ALPL: variants seen among roughly 807,000 people sequenced by gnomAD.
ALPL encodes alkaline phosphatase, biomineralization associated.
ALPL carries 42 observed loss-of-function variants against 51.3 expected under a neutral mutation model. That is an observed-to-expected ratio of 0.82 (90% CI 0.64 to 1.06). The LOEUF is 1.06. Ranked by LOEUF, ALPL falls within the 50% of genes least tolerant of loss-of-function variation. ALPL has a pLI of 0.00. For synonymous variants in ALPL, 279 were observed against 296.4 expected (o/e 0.94, Z 0.60); for missense variants, 589 against 709.4 (o/e 0.83, Z 1.93).
At chr1:21,558,247 T>G (rs1372527109) in intron 2 of ALPL, among the ~76,000 whole-genome samples, 1 of 152,206 alleles carries the variant, frequency 6.6e-6, no homozygotes, top group Non-Finnish European at 1.5e-5. Flanking sequence ...GAGGCTGGGC[T>G]GAACAAGGGC....
At chr1:21,532,451 G>A (rs1212571482) in intron 1 of ALPL, among the ~76,000 whole-genome samples, 3 of 152,082 alleles carry the variant, frequency 2.0e-5, no homozygotes, top group Non-Finnish European at 4.4e-5. Flanking sequence ...TCAGCCTCCT[G>A]AAGTGCTGGG....
At chr1:21,571,547 C>T (rs1644648265) in intron 8 of ALPL, among the ~76,000 whole-genome samples, 1 of 152,144 alleles carries the variant, frequency 6.6e-6, no homozygotes, top group Non-Finnish European at 1.5e-5. Flanking sequence ...TGGCGGGCGC[C>T]TGTAGTCCCA....
intron 6 of ALPL, among the ~76,000 whole-genome samples, chr1:21,565,257 G>A (rs768673154): frequency 7.2e-5 from 11 of 152,134 alleles, no homozygotes; most frequent in East Asian, 1.9e-4. Flanking sequence ...TTAAGTACCC[G>A]CTTTCAGGAC....
At chr1:21,549,144 A>G (rs570425581) in intron 1 of ALPL, among the ~76,000 whole-genome samples, 4 of 152,282 alleles carry the variant, frequency 2.6e-5, no homozygotes, top group African/African-American at 7.2e-5. Flanking sequence ...TAAAGCCTTT[A>G]TCAGATTAAG....
At chr1:21,565,657 GGAGT>G (rs1644553353) in intron 6 of ALPL, among the ~76,000 whole-genome samples, 1 of 151,958 alleles carries the variant, frequency 6.6e-6, no homozygotes, top group Admixed American at 6.6e-5. Context: ...CACAAGCCAG[GGAGT>G]GAGTGAGGAC....
intron 9 of ALPL, among the ~76,000 whole-genome samples, chr1:21,575,402 C>T (rs1644713070): frequency 6.6e-6 from 1 of 152,158 alleles, no homozygotes; most frequent in African/African-American, 2.4e-5. Context: ...CTCCCAAAGG[C>T]TTCAGTGCCT....
intron 1 of ALPL, among the ~76,000 whole-genome samples, chr1:21,535,672 A>C (rs1644096806): frequency 6.6e-6 from 1 of 152,164 alleles, no homozygotes; most frequent in Non-Finnish European, 1.5e-5. Context: ...CTTCTGAAGA[A>C]GTCAAGACCT....
chr1:21,522,573 A>G (rs1643894902), intron 1 of ALPL, among the ~76,000 whole-genome samples: 1 of 152,142 alleles, frequency 6.6e-6, no homozygotes, highest in Admixed American at 6.5e-5. Context: ...CACCTCCCCT[A>G]CCAGCCTCCT....
In ALPL at chr1:21,577,327, G is replaced by A. The variant is rs577520246; in HGVS notation, c.1310-56G>A. ...CCTGGAAGGGAGATGGAAAAGCTGC[G>A]TGCGCAGCGCCAGGCCCCTGGCAGG... On this transcript the variant is annotated intron_variant, in intron 11 of 11. Transcript: ENST00000374840. The A allele has an allele frequency of 7.6e-5, 123 of 1,611,958 alleles. No individual in the cohort carries two copies. In the African/African-American group the frequency reaches 8.5e-4, roughly 11 times the overall value.
intron 1 of ALPL, among the ~76,000 whole-genome samples, chr1:21,536,833 G>A (rs1644112898): frequency 6.6e-6 from 1 of 151,784 alleles, no homozygotes; most frequent in South Asian, 2.1e-4. Context: ...CAGAGGGAGT[G>A]CAGTGGAGAG....
chr1:21,577,714 C>T lies in ALPL; in HGVS notation c.*66C>T, dbSNP rs78043671. 50 of 1,542,828 alleles carry T rather than the reference C, an allele frequency of 3.2e-5. No homozygotes were observed. Among genetic ancestry groups the T allele is most frequent in the East Asian group, 9.6e-5 (4 of 41,634 alleles). Reference sequence around the variant, plus strand: ...CAACTTCCCACACGGCAGCCCCCCCCTCAAGGGGCAGGGAGGTGGGGGCCT... The same window carrying T: ...CAACTTCCCACACGGCAGCCCCCCCTTCAAGGGGCAGGGAGGTGGGGGCCT... On this transcript the variant is annotated 3_prime_UTR_variant, in exon 12 of 12. Transcript: ENST00000374840.
Position 21,577,692 on chromosome 1 carries a change from C to T in ALPL, c.*44C>T. 1 of 1,575,956 alleles carries T rather than the reference C, an allele frequency of 6.3e-7. No individual in the cohort carries two copies. Among genetic ancestry groups the T allele is most frequent in the South Asian group, 1.1e-5 (1 of 88,134 alleles). On this transcript the variant is annotated 3_prime_UTR_variant, in exon 12 of 12. Transcript: ENST00000374840. ...CCCACAAGCCCGTGACAGATGCCAA[C>T]TTCCCACACGGCAGCCCCCCCCTCA...
chr1:21,537,128 C>T (rs1432788914), intron 1 of ALPL, among the ~76,000 whole-genome samples: 7 of 152,194 alleles, frequency 4.6e-5, no homozygotes, highest in Middle Eastern at 6.8e-3. Context: ...GATCTCCTGA[C>T]CTTGTGATCT....
chr1:21,573,114 C>T (rs5024467), intron 8 of ALPL, among the ~76,000 whole-genome samples: 43,757 of 152,082 alleles, frequency 0.29, 6,420 homozygotes, highest in South Asian at 0.38. Flanking sequence ...GTGATCCCAC[C>T]GCGCCATAGT....
At chr1:21,510,534 A>G (rs144731006) in intron 1 of ALPL, among the ~76,000 whole-genome samples, 115 of 152,298 alleles carry the variant, frequency 7.6e-4, no homozygotes, top group Non-Finnish European at 1.6e-3. Flanking sequence ...TACCGTGCGT[A>G]GAGGGACCTG....
intron 3 of ALPL, 118 bp from the exon 4 acceptor site, chr1:21,560,979 C>A (rs1365218502): frequency 1.9e-6 from 2 of 1,046,738 alleles, no homozygotes; most frequent in Non-Finnish European, 2.9e-6. Context: ...CAGAGCCATG[C>A]CCAGTGCCAA....
At chr1:21,566,577 C>A (rs1481517274) in intron 6 of ALPL, among the ~76,000 whole-genome samples, 1 of 152,020 alleles carries the variant, frequency 6.6e-6, no homozygotes. Context: ...AGGCGTGAGC[C>A]ATCGCGCCCG....
In ALPL at chr1:21,548,480, G is replaced by A. The variant is rs558273751; in HGVS notation, c.-104-5498G>A. On this transcript the variant is annotated intron_variant, in intron 1 of 11. Transcript: ENST00000374840. The stretch of plus-strand genomic sequence containing the variant: ...GAACTGCTACCATGTGCAAGGGCTC[G>A]GGATGCAGAGATGGGTAAGATGTTG... Among the ~76,000 whole-genome samples, 8 of 152,352 alleles carry A rather than the reference G, an allele frequency of 5.3e-5. No individual in the cohort carries two copies. The East Asian group carries it at 1.5e-3, about 29-fold the overall frequency.
chr1:21,559,664 T>G (rs1020591505), intron 2 of ALPL, among the ~76,000 whole-genome samples: 1 of 152,138 alleles, frequency 6.6e-6, no homozygotes, highest in African/African-American at 2.4e-5. Context: ...GGACTACAGG[T>G]GCACACTGCC....
Sources: gnomAD v4.1 joint callset for allele counts (sites outside exome capture counted in the v4.1 genomes callset) on GRCh38, gnomAD v4.1.1 for gene constraint, MANE v1.5 for transcripts, NCBI Gene and HGNC (gene_info 2026-07-23, HGNC 2026-07-21) for gene names.